The following SLC12A5 variants were observed in gnomAD, a reference collection of about 807,000 sequenced individuals.
SLC12A5 encodes solute carrier family 12 member 5.
A neutral mutation model predicts 124.0 loss-of-function variants in SLC12A5; 18 were observed. That is an observed-to-expected ratio of 0.15 (90% CI 0.10 to 0.22). The LOEUF (loss-of-function observed/expected upper bound fraction) is 0.22. Among genes scored for constraint, SLC12A5 ranks in the 10% least tolerant of loss-of-function variants. SLC12A5 has a pLI of 1.00. For missense variants in SLC12A5, 867 were observed against 1,478.7 expected, an observed-to-expected ratio of 0.59 and a Z score of 6.78; for synonymous variants, 589 against 568.0, an observed-to-expected ratio of 1.04 and a Z score of -0.53.
In SLC12A5 at chr20:46,038,669, C is replaced by T. The variant is rs142116582; in HGVS notation, c.612+1284C>T. On this transcript the variant is annotated intron_variant, in intron 6 of 25. Coordinates refer to ENST00000243964, the MANE Select transcript of SLC12A5 (RefSeq NM_020708.5). ...TCACCTATAATCTTACAATAGTTAA[C>T]ATATGGTAGGTCCAGACTCACAAAA... is the stretch of plus-strand genomic sequence containing the variant. Among the ~76,000 whole-genome samples, 17 of 152,332 alleles carry T rather than the reference C, an allele frequency of 1.1e-4. No homozygotes were observed. In the East Asian group the frequency reaches 3.1e-3, roughly 28 times the overall value.
Position 46,035,772 on chromosome 20 carries a change from G to C in SLC12A5, c.280-5G>C, listed in dbSNP as rs1177552135. ...TGCAGAGACTGATGCTGGCCTCCCT[G>C]GCAGGCCCCACGCATGGGCACCTTC... On this transcript the variant is annotated splice_region_variant and splice_polypyrimidine_tract_variant and intron_variant, in intron 3 of 25. Coordinates refer to ENST00000243964, the MANE Select transcript of SLC12A5 (RefSeq NM_020708.5). 1 of 1,609,116 alleles carries C rather than the reference G, an allele frequency of 6.2e-7. No homozygotes were observed.
intron 5 of SLC12A5, 131 bp from the exon 6 acceptor site, chr20:46,037,124 T>G: frequency 7.4e-7 from 1 of 1,360,072 alleles, no homozygotes; most frequent in African/African-American, 1.5e-5. Context: ...CAGTCCCCTT[T>G]CTAGGGCTGC....
chr20:46,046,295 C>T, intron 13 of SLC12A5, 43 bp from the exon 14 acceptor site: 1 of 1,549,992 alleles, frequency 6.5e-7, no homozygotes, highest in Non-Finnish European at 8.9e-7. Context: ...GTTTCTGCCT[C>T]CCTTTGCATC....
intron 1 of SLC12A5, chr20:46,021,899 G>GGGGGCGGGGCCTGCCAGGGC: frequency 2.0e-6 from 3 of 1,519,816 alleles, no homozygotes; most frequent in Non-Finnish European, 2.6e-6. Flanking sequence ...AGAGGCCGCA[G>GGGGGCGGGGCCTGCCAGGGC]GGGGCGGGGC....
chr20:46,054,550 A>C (rs2084673321), intron 20 of SLC12A5, among the ~76,000 whole-genome samples: 1 of 151,984 alleles, frequency 6.6e-6, no homozygotes, highest in African/African-American at 2.4e-5. Flanking sequence ...GTATTCATTC[A>C]CTCACTCTCC....
upstream of SLC12A5, among the ~76,000 whole-genome samples, chr20:46,028,426 G>T (rs973620927): frequency 6.6e-6 from 1 of 152,128 alleles, no homozygotes; most frequent in Non-Finnish European, 1.5e-5. Flanking sequence ...TCAGTCCGCA[G>T]TCAGAAGGTC....
At position 46,059,425 on chromosome 20, in the gene SLC12A5, C is replaced by T. The variant is rs1340975670; in HGVS notation, c.*1820C>T. 3 of 396,982 alleles carry T rather than the reference C, an allele frequency of 7.6e-6. No homozygotes were observed. The highest frequency in any genetic ancestry group is 1.3e-5 in the Non-Finnish European group (3 of 225,452). 24.6% of individuals were successfully genotyped at this position (396,982 alleles called of 1,614,324 possible). On this transcript the variant is annotated 3_prime_UTR_variant, in exon 26 of 26. Transcript: ENST00000243964. ...TTCTTTCAGGTACTCAATCAGGAAGCTGGAGGTGTTAGACACCAGCCCCCT... is the reference window on the plus strand; with the variant it reads ...TTCTTTCAGGTACTCAATCAGGAAGTTGGAGGTGTTAGACACCAGCCCCCT...
At position 46,053,418 on chromosome 20, in the gene SLC12A5, G is replaced by A. The variant is rs2084663394; in HGVS notation, c.2548-160G>A. On this transcript the variant is annotated intron_variant, in intron 19 of 25. Transcript: ENST00000243964. The surrounding 1 kb of genome is among the most constrained non-coding windows in gnomAD (Gnocchi z 4.7). The stretch of plus-strand genomic sequence containing the variant: ...GGGACCCTCAGACCTAAGCAGGGAA[G>A]GTTTTGTAGAGAGTGGCCCCAAAGA... Among the ~76,000 whole-genome samples, 1 of 152,232 alleles carries A rather than the reference G, an allele frequency of 6.6e-6. No homozygotes were observed. Among genetic ancestry groups the A allele is most frequent in the Non-Finnish European group, 1.5e-5 (1 of 68,044 alleles).
chr20:46,035,610 G>C, intron 3 of SLC12A5, 75 bp downstream of exon 3: 1 of 1,522,474 alleles, frequency 6.6e-7, no homozygotes, highest in Non-Finnish European at 8.9e-7. Flanking sequence ...GAGGAAAATG[G>C]ATTTGAATGG....
intron 1 of SLC12A5, among the ~76,000 whole-genome samples, chr20:46,029,604 A>T (rs1040510138): frequency 6.6e-6 from 1 of 152,078 alleles, no homozygotes; most frequent in African/African-American, 2.4e-5. Flanking sequence ...CCGGGGGCAG[A>T]GCTGCGGGCC....
rs746516978 is a variant in SLC12A5, at chr20:46,053,679, C to T, written c.2649C>T (p.Arg883=). ...TGACCACATTTCTGTATCATTTACG[C>T]ATCACTGCGGAGGTCGAGGTGGTGG... ...KDLTTFLYHL[R]ITAEVEVVEM... The change falls in exon 20 of 26, where the codon CGC becomes CGT. Residue 883 remains arginine (R), a synonymous_variant. Coordinates refer to ENST00000243964, the MANE Select transcript of SLC12A5 (RefSeq NM_020708.5). This position sits in a 1 kb window ranked among gnomAD's most constrained non-coding sequence, Gnocchi z 4.7. 55 of 1,610,080 alleles carry T rather than the reference C, an allele frequency of 3.4e-5. No homozygotes were observed. Among genetic ancestry groups the T allele is most frequent in the Admixed American group, 2.3e-4 (14 of 59,742 alleles).
chr20:46,030,331 G>T (rs1365250972), intron 1 of SLC12A5, among the ~76,000 whole-genome samples: 1 of 152,196 alleles, frequency 6.6e-6, no homozygotes, highest in African/African-American at 2.4e-5. Context: ...CGGACGCGCT[G>T]CGGTGGGTGC....
At position 46,059,838 on chromosome 20, in the gene SLC12A5, T is replaced by A; in HGVS notation, c.*2233T>A. The A allele has an allele frequency of 2.5e-6, 1 of 392,850 alleles. No individual in the cohort carries two copies. Among genetic ancestry groups the A allele is most frequent in the East Asian group, 3.6e-5 (1 of 27,670 alleles). 24.3% of individuals were successfully genotyped at this position (392,850 alleles called of 1,614,324 possible). A position where few individuals can be genotyped will look rare whatever the true frequency, so the allele number is the denominator to read the frequency against. On this transcript the variant is annotated 3_prime_UTR_variant, in exon 26 of 26. Coordinates refer to ENST00000243964, the MANE Select transcript of SLC12A5 (RefSeq NM_020708.5). ...CTAGTGTTGCTTTTGTTTTAGATGA[T>A]CTATGTGCAGGGCAATGCAATGAAG...
At chr20:46,022,732 GC>G (rs1366945130) in intron 1 of SLC12A5, 1 of 398,282 alleles carries the variant, frequency 2.5e-6, no homozygotes, top group Non-Finnish European at 4.4e-6. Context: ...TTCCTCGCGG[GC>G]CCTGTGCAGG....
Position 46,045,737 on chromosome 20 carries a change from TG to T in SLC12A5, c.1570-139del. ...AGCCTGTTATCCATTTGCATTCTCC[TG>T]GAGGAAGAGAAATGCATCCTCTCCC... On this transcript the variant is annotated intron_variant, in intron 12 of 25. Transcript: ENST00000243964. This position sits in a 1 kb window ranked among gnomAD's most constrained non-coding sequence, Gnocchi z 4.9. 1 of 664,884 alleles carries T rather than the reference TG, an allele frequency of 1.5e-6. No homozygotes were observed. Among genetic ancestry groups the T allele is most frequent in the Non-Finnish European group, 2.6e-6 (1 of 387,100 alleles). The allele number at this position is 664,884 out of a possible 1,614,324, so 41.2% of individuals were successfully genotyped here.
Position 46,051,812 on chromosome 20 carries a change from T to G in SLC12A5, c.2319T>G (p.Val773=). ...GGCTGCAGCACAACACTGTGCTTGT[T>G]GGCTGGCCCCGCAACTGGCGCCAGA... The part of the protein sequence containing the change: ...LGGLQHNTVL[V]GWPRNWRQKE... The change falls in exon 18 of 26, where the codon GTT becomes GTG. Residue 773 remains valine (V), a synonymous_variant. Coordinates refer to ENST00000243964, the MANE Select transcript of SLC12A5 (RefSeq NM_020708.5). 6.6e-7 allele frequency: 1 copy of G among 1,517,462 alleles called. No homozygotes were observed. Among genetic ancestry groups the G allele is most frequent in the Non-Finnish European group, 8.9e-7 (1 of 1,127,572 alleles). 94.0% of individuals were successfully genotyped at this position (1,517,462 alleles called of 1,614,324 possible).
At position 46,057,453 on chromosome 20, in the gene SLC12A5, C is replaced by A. The variant is rs2084706917; in HGVS notation, c.3260-61C>A. ...CGCGAGAGGTCCCCTGGCAGCCGAG[C>A]GCGACCCCAATTTCGTCGGGAGGGA... On this transcript the variant is annotated intron_variant, in intron 25 of 25. Coordinates refer to ENST00000243964, the MANE Select transcript of SLC12A5 (RefSeq NM_020708.5). The surrounding 1 kb of genome is among the most constrained non-coding windows in gnomAD (Gnocchi z 7.1). 4 of 1,603,918 alleles carry A rather than the reference C, an allele frequency of 2.5e-6. No homozygotes were observed. Among genetic ancestry groups the A allele is most frequent in the African/African-American group, 1.3e-5 (1 of 74,678 alleles).
chr20:46,036,600 G>A (rs1471395398), intron 4 of SLC12A5, 141 bp from the exon 5 acceptor site: 1 of 776,524 alleles, frequency 1.3e-6, no homozygotes, highest in Admixed American at 2.3e-5. Flanking sequence ...AGGAGTAGAA[G>A]TTGGAACAGG....
chr20:46,043,593 T>G (rs776483146), intron 9 of SLC12A5, 40 bp from the exon 10 acceptor site: 1 of 1,603,202 alleles, frequency 6.2e-7, no homozygotes, highest in Non-Finnish European at 8.5e-7. Flanking sequence ...TGGTCTCCTG[T>G]GGCCCTGGCT....
Sources: gnomAD v4.1 joint callset for allele counts (sites outside exome capture counted in the v4.1 genomes callset) on GRCh38, gnomAD v4.1.1 for gene constraint, Gnocchi (gnomAD v3.1) non-coding constraint, MANE v1.5 for transcripts, NCBI Gene and HGNC (gene_info 2026-07-23, HGNC 2026-07-21) for gene names.